The following CNTNAP4 variants were observed in gnomAD, a reference collection of about 807,000 sequenced individuals.
CNTNAP4 encodes contactin-associated protein-like 4.
In CNTNAP4, 98 loss-of-function variants were observed where a neutral mutation model predicts 148.4. The observed-to-expected ratio is 0.66, with a 90% CI of 0.56 to 0.78. The LOEUF is 0.78. Ranked by LOEUF, CNTNAP4 falls within the 30% of genes least tolerant of loss-of-function variation. The pLI, the probability that CNTNAP4 is intolerant of heterozygous loss-of-function variation, is 0.00. For missense variants in CNTNAP4, 1,935 were observed against 1,565.6 expected (o/e 1.24, Z -3.98); for synonymous variants, 730 against 565.1 (o/e 1.29, Z -4.14).
intron 14 of CNTNAP4, among the ~76,000 whole-genome samples, chr16:76,495,470 A>G (rs2143836854): frequency 6.6e-6 from 1 of 152,230 alleles, no homozygotes; most frequent in East Asian, 1.9e-4. Flanking sequence ...AATTATTTTA[A>G]CATGCAATTG....
intron 3 of CNTNAP4, among the ~76,000 whole-genome samples, chr16:76,397,160 G>A (rs1321519181): frequency 2.0e-5 from 3 of 151,902 alleles, no homozygotes; most frequent in African/African-American, 7.3e-5. Flanking sequence ...ATAAGGGAAG[G>A]CTTTATGTCG....
At chr16:76,427,953 T>C (rs978635446) in intron 4 of CNTNAP4, among the ~76,000 whole-genome samples, 2 of 152,196 alleles carry the variant, frequency 1.3e-5, no homozygotes, top group African/African-American at 4.8e-5. Flanking sequence ...GTATCCTGAG[T>C]CTAATAAAAG....
chr16:76,332,178 A>G (rs1156324698), intron 2 of CNTNAP4, among the ~76,000 whole-genome samples: 1 of 143,724 alleles, frequency 7.0e-6, no homozygotes, highest in African/African-American at 2.6e-5. Context: ...TCAGTGTAGA[A>G]CTCTTTGGGT....
intron 3 of CNTNAP4, among the ~76,000 whole-genome samples, chr16:76,376,475 G>A (rs117497723): frequency 2.0e-5 from 3 of 151,252 alleles, no homozygotes; most frequent in Non-Finnish European, 4.4e-5. Flanking sequence ...AGTAAAGACA[G>A]GTTTAGACTT....
Position 76,317,252 on chromosome 16 carries a change from C to CA in CNTNAP4, c.196+741dup, listed in dbSNP as rs11149891. Among the ~76,000 whole-genome samples, 388 of 85,298 alleles carry CA rather than the reference C, an allele frequency of 4.5e-3. 1 individual carries two copies. Among genetic ancestry groups the CA allele is most frequent in the Middle Eastern group, 0.013 (2 of 154 alleles). The allele number at this position is 85,298 out of a possible 152,430, so 56.0% of individuals were successfully genotyped here. ...TGGGCGACAAAGTGAGACCCTGTCT[C>CA]AAAAAAAAAAAACAAAAAAAAAAAC... On this transcript the variant is annotated intron_variant, in intron 2 of 23. Coordinates refer to ENST00000611870, the MANE Select transcript of CNTNAP4 (RefSeq NM_033401.5).
intron 4 of CNTNAP4, among the ~76,000 whole-genome samples, chr16:76,437,830 C>G (rs1168261919): frequency 6.6e-6 from 1 of 151,996 alleles, no homozygotes; most frequent in Admixed American, 6.6e-5. Context: ...AAATAAATGA[C>G]TGGTTCAAGC....
chr16:76,430,445 G>C (rs961594267), intron 4 of CNTNAP4, among the ~76,000 whole-genome samples: 1 of 152,182 alleles, frequency 6.6e-6, no homozygotes, highest in Non-Finnish European at 1.5e-5. Flanking sequence ...GCAAGAGTTT[G>C]TCTGCAACTC....
intron 1 of CNTNAP4, among the ~76,000 whole-genome samples, chr16:76,309,215 C>T (rs1312420989): frequency 6.6e-6 from 1 of 151,922 alleles, no homozygotes; most frequent in Non-Finnish European, 1.5e-5. Context: ...GTAGACTGTA[C>T]AGCTGCAGCT....
In CNTNAP4 at chr16:76,560,699, A is replaced by T. The variant is rs1240217631; in HGVS notation, c.*2016A>T. Among the ~76,000 whole-genome samples, 1 of 152,188 alleles carries T rather than the reference A, an allele frequency of 6.6e-6. No individual in the cohort carries two copies. The highest frequency in any genetic ancestry group is 1.5e-5 in the Non-Finnish European group (1 of 68,024). On this transcript the variant is annotated 3_prime_UTR_variant, in exon 24 of 24. Coordinates refer to ENST00000611870, the MANE Select transcript of CNTNAP4 (RefSeq NM_033401.5). ...TTGACACATCCTATGCCATGACTTT[A>T]ATTTCCTGATTTGTAATCTCTTATT... is the stretch of plus-strand genomic sequence containing the variant.
At chr16:76,466,868 AT>A (rs1416443403) in intron 9 of CNTNAP4, among the ~76,000 whole-genome samples, 1 of 152,080 alleles carries the variant, frequency 6.6e-6, no homozygotes, top group African/African-American at 2.4e-5. Flanking sequence ...ACAGTTGGTA[AT>A]TTTATTCCAA....
chr16:76,438,604 G>T (rs921826376), intron 4 of CNTNAP4, among the ~76,000 whole-genome samples: 1 of 151,998 alleles, frequency 6.6e-6, no homozygotes, highest in Non-Finnish European at 1.5e-5. Context: ...GCTTCACAGG[G>T]TCTAGGTGAT....
rs965769184 is a variant in CNTNAP4, at chr16:76,438,944, C to G, written c.539-9068C>G. Among the ~76,000 whole-genome samples, 4 of 152,164 alleles carry G rather than the reference C, an allele frequency of 2.6e-5. No homozygotes were observed. The South Asian group carries it at 6.2e-4, about 24-fold the overall frequency. Reference sequence around the variant, plus strand: ...CATGTGTACATTTGTACAATTACAACTTGTAAATATGTACAATTACATATC... The same window carrying G: ...CATGTGTACATTTGTACAATTACAAGTTGTAAATATGTACAATTACATATC... On this transcript the variant is annotated intron_variant, in intron 4 of 23. Transcript: ENST00000611870.
At chr16:76,392,794 C>G (rs1013160498) in intron 3 of CNTNAP4, among the ~76,000 whole-genome samples, 1 of 152,120 alleles carries the variant, frequency 6.6e-6, no homozygotes, top group Non-Finnish European at 1.5e-5. Context: ...TCCTCATTAC[C>G]TGGGCACAGA....
intron 15 of CNTNAP4, among the ~76,000 whole-genome samples, chr16:76,516,048 GC>G (rs1373340294): frequency 6.6e-6 from 1 of 152,120 alleles, no homozygotes; most frequent in Non-Finnish European, 1.5e-5. Context: ...TAGGTTTTAA[GC>G]CCCGCATCCA....
intron 2 of CNTNAP4, among the ~76,000 whole-genome samples, chr16:76,321,570 A>G (rs1464576184): frequency 6.6e-6 from 1 of 152,084 alleles, no homozygotes; most frequent in Non-Finnish European, 1.5e-5. Context: ...CGGGTGGATC[A>G]CGAGGTCAGG....
At chr16:76,532,015 C>A (rs748505555) in intron 17 of CNTNAP4, among the ~76,000 whole-genome samples, 2 of 152,222 alleles carry the variant, frequency 1.3e-5, no homozygotes, top group Admixed American at 6.5e-5. Flanking sequence ...ACCCCACACT[C>A]TGACCTTCTT....
rs79018727 is a variant in CNTNAP4, at chr16:76,302,869, C to T, written c.86-13544C>T. Among the ~76,000 whole-genome samples, 185 of 152,190 alleles carry T rather than the reference C, an allele frequency of 1.2e-3. 1 individual carries two copies. In the East Asian group the frequency reaches 0.029, roughly 24 times the overall value. On this transcript the variant is annotated intron_variant, in intron 1 of 23. Coordinates refer to ENST00000611870, the MANE Select transcript of CNTNAP4 (RefSeq NM_033401.5). The stretch of plus-strand genomic sequence containing the variant: ...CTCCAGAAGGGAGGGCTCTATGCCA[C>T]GATGCTGCATGTTGTTTAGGGAGAT...
chr16:76,338,043 C>T, intron 2 of CNTNAP4, among the ~76,000 whole-genome samples: 1 of 152,128 alleles, frequency 6.6e-6, no homozygotes. Context: ...TCACAGGATC[C>T]TGAGGTGACA....
chr16:76,500,454 T>A (rs1342437967), intron 15 of CNTNAP4, among the ~76,000 whole-genome samples: 1 of 152,210 alleles, frequency 6.6e-6, no homozygotes, highest in Non-Finnish European at 1.5e-5. Context: ...AATTTCTAAT[T>A]GCTGTTACCC....
Sources: gnomAD v4.1 joint callset for allele counts (sites outside exome capture counted in the v4.1 genomes callset) on GRCh38, gnomAD v4.1.1 for gene constraint, MANE v1.5 for transcripts, NCBI Gene and HGNC (gene_info 2026-07-23, HGNC 2026-07-21) for gene names.